PCDHGB1: variants seen among roughly 807,000 people sequenced by gnomAD.
PCDHGB1 encodes the protein protocadherin gamma-B1.
In PCDHGB1, 34 loss-of-function variants were observed where a neutral mutation model predicts 56.6. That is an observed-to-expected ratio of 0.60 (90% CI 0.46 to 0.80). The LOEUF (loss-of-function observed/expected upper bound fraction) is 0.80, where lower values mean the gene tolerates loss of function less well. PCDHGB1 is among the 30% of genes least tolerant of loss of function. The pLI is 0.00. For synonymous variants in PCDHGB1, 561 were observed against 505.9 expected (o/e 1.11, Z -1.46); for missense variants, 1,278 against 1,204.6 (o/e 1.06, Z -0.90).
intron 1 of PCDHGB1, among the ~76,000 whole-genome samples, chr5:141,492,438 G>C (rs2099740636): frequency 6.6e-6 from 1 of 152,236 alleles, no homozygotes; most frequent in Non-Finnish European, 1.5e-5. Flanking sequence ...AGGAGTACTC[G>C]TAGCTGATTG....
intron 1 of PCDHGB1, among the ~76,000 whole-genome samples, chr5:141,433,397 A>ATCTC (rs1179042498): frequency 6.6e-6 from 1 of 150,410 alleles, no homozygotes; most frequent in African/African-American, 2.5e-5. Flanking sequence ...CTATCTATCT[A>ATCTC]TCTATCTATT....
intron 1 of PCDHGB1, chr5:141,370,260 C>T (rs2149959480): frequency 1.4e-6 from 1 of 735,774 alleles, no homozygotes; most frequent in Non-Finnish European, 2.1e-6. Context: ...TATCAGGCTT[C>T]CTGCAGCGGA....
At position 141,432,995 on chromosome 5, in the gene PCDHGB1, G is replaced by A. The variant is rs576866505; in HGVS notation, c.2410-61812G>A. On this transcript the variant is annotated intron_variant, in intron 1 of 3. Transcript: ENST00000523390. This position sits in a 1 kb window ranked among gnomAD's most constrained non-coding sequence, Gnocchi z 6.0. ...GTCGCACTTTGTGGGCGTGGACGGGGTGCAGGCTTTCCTGCAGACCTATTC... is the reference window on the plus strand; with the variant it reads ...GTCGCACTTTGTGGGCGTGGACGGGATGCAGGCTTTCCTGCAGACCTATTC... The A allele has an allele frequency of 1.2e-6, 2 of 1,614,226 alleles. No individual in the cohort carries two copies. The highest frequency in any genetic ancestry group is 3.3e-5 in the Admixed American group (2 of 60,028).
At chr5:141,448,000 C>T (rs1363676731) in intron 1 of PCDHGB1, among the ~76,000 whole-genome samples, 3 of 151,840 alleles carry the variant, frequency 2.0e-5, no homozygotes, top group Non-Finnish European at 4.4e-5. Flanking sequence ...GCATGAGAAT[C>T]GCTTGAACCC....
At chr5:141,373,959 T>A (rs1045656006) in intron 1 of PCDHGB1, 78 of 924,258 alleles carry the variant, frequency 8.4e-5, no homozygotes, top group Admixed American at 1.4e-4. Context: ...AATTCTGACC[T>A]GAAACGCTTC....
chr5:141,385,132 G>T (rs763210124), intron 1 of PCDHGB1: 2 of 1,614,094 alleles, frequency 1.2e-6, no homozygotes, highest in African/African-American at 1.3e-5. Flanking sequence ...GGGCATGGAC[G>T]GGGTGCAGGC....
chr5:141,476,098 G>A lies in PCDHGB1; in HGVS notation c.2410-18709G>A, dbSNP rs1241353656. The A allele has an allele frequency of 4.5e-6, 7 of 1,573,026 alleles. No homozygotes were observed. Among genetic ancestry groups the A allele is most frequent in the Non-Finnish European group, 6.0e-6 (7 of 1,163,102 alleles). ...AGGGACGATCTGGACCCCGCTGAGA[G>A]GAACTGCTTTTGAGTGAGATGGTCC... On this transcript the variant is annotated intron_variant, in intron 1 of 3. Transcript: ENST00000523390. This position sits in a 1 kb window ranked among gnomAD's most constrained non-coding sequence, Gnocchi z 7.6.
Position 141,476,512 on chromosome 5 carries a change from T to C in PCDHGB1, c.2410-18295T>C, listed in dbSNP as rs1171240377. ...TGATCCAGGACATCAACGACAACAA[T>C]CCTGCTTTCCCTACCCAGGAAATGA... On this transcript the variant is annotated intron_variant, in intron 1 of 3. Transcript: ENST00000523390. This position sits in a 1 kb window ranked among gnomAD's most constrained non-coding sequence, Gnocchi z 7.6. The C allele has an allele frequency of 6.2e-7, 1 of 1,613,642 alleles. No homozygotes were observed. Among genetic ancestry groups the C allele is most frequent in the Non-Finnish European group, 8.5e-7 (1 of 1,179,940 alleles).
chr5:141,489,220 C>G lies in PCDHGB1; in HGVS notation c.2410-5587C>G. The G allele has an allele frequency of 6.6e-7, 1 of 1,508,698 alleles. No individual in the cohort carries two copies. Among genetic ancestry groups the G allele is most frequent in the South Asian group, 1.3e-5 (1 of 75,604 alleles). The allele number at this position is 1,508,698 out of a possible 1,614,324, so 93.5% of individuals were successfully genotyped here. A position where few individuals can be genotyped will look rare whatever the true frequency, so the allele number is the denominator to read the frequency against. ...AGACAGGACAGCACAGACTTACTCT[C>G]CACAAAGGGACTTCTGGGTCATGGG... On this transcript the variant is annotated intron_variant, in intron 1 of 3. Transcript: ENST00000523390. The surrounding 1 kb of genome is among the most constrained non-coding windows in gnomAD (Gnocchi z 4.5).
chr5:141,389,533 T>C (rs2091811622), intron 1 of PCDHGB1: 4 of 1,613,216 alleles, frequency 2.5e-6, no homozygotes, highest in South Asian at 2.2e-5. Flanking sequence ...CGCGTGTTAG[T>C]GGACGACCGC....
At chr5:141,413,648 TC>T in intron 1 of PCDHGB1, 1 of 1,613,820 alleles carries the variant, frequency 6.2e-7, no homozygotes, top group Non-Finnish European at 8.5e-7. Context: ...CGTTTTCCTC[TC>T]CCGGAAGCTA....
At chr5:141,501,206 A>G (rs977574347) in intron 2 of PCDHGB1, among the ~76,000 whole-genome samples, 22 of 151,674 alleles carry the variant, frequency 1.5e-4, no homozygotes, top group African/African-American at 5.3e-4. Context: ...GGGTGTTGTC[A>G]GGGTGACTTC....
chr5:141,382,326 T>G (rs1007367155), intron 1 of PCDHGB1, among the ~76,000 whole-genome samples: 1 of 152,352 alleles, frequency 6.6e-6, no homozygotes, highest in Admixed American at 6.5e-5. Context: ...TGTAAATATT[T>G]TCTAAGTAAA....
rs773522759 is a variant in PCDHGB1, at chr5:141,419,457, A to G, written c.2409+66788A>G. The G allele has an allele frequency of 7.4e-6, 12 of 1,612,610 alleles. No homozygotes were observed. The South Asian group carries it at 1.3e-4, about 18-fold the overall frequency. On this transcript the variant is annotated intron_variant, in intron 1 of 3. Transcript: ENST00000523390. ...CTGCGCACCTTCGAGCTCACGCTGC[A>G]GGCCCGCGACCAGGGCTCGCCCGCG...
At chr5:141,414,489 G>A (rs754325517) in intron 1 of PCDHGB1, 33 of 1,613,754 alleles carry the variant, frequency 2.0e-5, no homozygotes, top group Middle Eastern at 1.6e-4. Flanking sequence ...CTCTATCAAC[G>A]GAAGCTCACT....
At chr5:141,495,007 G>A in intron 2 of PCDHGB1, 142 bp downstream of exon 2, 4 of 1,522,158 alleles carry the variant, frequency 2.6e-6, no homozygotes, top group Non-Finnish European at 3.5e-6. Context: ...TTGGTGTGCG[G>A]GGGGCTGGCA....
chr5:141,383,832 A>G, intron 1 of PCDHGB1: 1 of 1,613,926 alleles, frequency 6.2e-7, no homozygotes, highest in Non-Finnish European at 8.5e-7. Flanking sequence ...ATTATGAAGA[A>G]ACTGCCTTCT....
At position 141,384,635 on chromosome 5, in the gene PCDHGB1, C is replaced by G. The variant is rs752480661; in HGVS notation, c.2409+31966C>G. On this transcript the variant is annotated intron_variant, in intron 1 of 3. Coordinates refer to ENST00000523390, the MANE Select transcript of PCDHGB1 (RefSeq NM_018922.3). The stretch of plus-strand genomic sequence containing the variant: ...GGTTCTACTGGCATGGAGCTGGCAC[C>G]CCGCTCCGCAGAGCCCGGCTACCTG... The G allele has an allele frequency of 1.9e-6, 3 of 1,614,214 alleles. No individual in the cohort carries two copies. The East Asian group carries it at 6.7e-5, about 36-fold the overall frequency.
At chr5:141,403,168 G>T in intron 1 of PCDHGB1, 14 of 1,614,032 alleles carry the variant, frequency 8.7e-6, no homozygotes, top group African/African-American at 1.3e-5. Flanking sequence ...GAGGTAGGAC[G>T]CAGCTTTTCT....
Sources: gnomAD v4.1 joint callset for allele counts (sites outside exome capture counted in the v4.1 genomes callset) on GRCh38, gnomAD v4.1.1 for gene constraint, Gnocchi (gnomAD v3.1) non-coding constraint, MANE v1.5 for transcripts, NCBI Gene and HGNC (gene_info 2026-07-23, HGNC 2026-07-21) for gene names.